The following RTF1 variants were observed in gnomAD, a reference collection of about 807,000 sequenced individuals.
RTF1 encodes the protein RNA polymerase-associated protein RTF1 homolog.
RTF1 carries 10 observed loss-of-function variants against 95.7 expected under a neutral mutation model. That is an observed-to-expected ratio of 0.10 (90% CI 0.06 to 0.18). RTF1 has a LOEUF of 0.18. Among genes scored for constraint, RTF1 ranks in the 10% least tolerant of loss-of-function variants. The pLI, the probability that RTF1 is intolerant of heterozygous loss-of-function variation, is 1.00. For missense variants in RTF1, 458 were observed against 875.6 expected, an observed-to-expected ratio of 0.52 and a Z score of 6.02; for synonymous variants, 305 against 311.8, an observed-to-expected ratio of 0.98 and a Z score of 0.23.
intron 6 of RTF1, among the ~76,000 whole-genome samples, chr15:41,468,469 C>T (rs566335654): frequency 6.6e-6 from 1 of 152,198 alleles, no homozygotes; most frequent in African/African-American, 2.4e-5. Context: ...AGGCACCTGC[C>T]ACCACGCCCA....
intron 3 of RTF1, 100 bp downstream of exon 3, chr15:41,453,148 C>A: frequency 1.1e-6 from 1 of 943,678 alleles, no homozygotes; most frequent in Non-Finnish European, 1.5e-6. Context: ...TTGCATTCAG[C>A]ATGACCTCTT....
chr15:41,436,429 C>G (rs1168340348), intron 1 of RTF1, among the ~76,000 whole-genome samples: 1 of 148,936 alleles, frequency 6.7e-6, no homozygotes, highest in South Asian at 2.1e-4. Flanking sequence ...TGCACTCTAG[C>G]CTGGGTGACA....
rs1033278327 is a variant in RTF1, at chr15:41,483,048, T to C, written c.*2361T>C. ...CGCTGAAACCCCCACGAGATGCCAA[T>C]GCACACAGCAGGGAGAAAAGCCAAC... On this transcript the variant is annotated 3_prime_UTR_variant, in exon 18 of 18. Coordinates refer to ENST00000389629, the MANE Select transcript of RTF1 (RefSeq NM_015138.5). 4 of 152,732 alleles carry C rather than the reference T, an allele frequency of 2.6e-5. No homozygotes were observed. Among genetic ancestry groups the C allele is most frequent in the Non-Finnish European group, 5.9e-5 (4 of 68,038 alleles). The allele number at this position is 152,732 out of a possible 1,614,324, so 9.5% of individuals were successfully genotyped here.
chr15:41,433,180 G>A (rs547904055), intron 1 of RTF1, among the ~76,000 whole-genome samples: 26 of 152,052 alleles, frequency 1.7e-4, no homozygotes, highest in Admixed American at 3.3e-4. Context: ...CCAGGGAGGC[G>A]GAGGTTGCTG....
Position 41,417,178 on chromosome 15 carries a change from G to C in RTF1, c.63G>C (p.Leu21=), listed in dbSNP as rs988766123. The C allele has an allele frequency of 5.5e-6, 7 of 1,264,466 alleles. No individual in the cohort carries two copies. The African/African-American group carries it at 9.3e-5, about 17-fold the overall frequency. 78.3% of individuals were successfully genotyped at this position (1,264,466 alleles called of 1,614,324 possible). A position where few individuals can be genotyped will look rare whatever the true frequency, so the allele number is the denominator to read the frequency against. Residue 21 remains leucine (L), a synonymous_variant, in exon 1 of 18, where the codon CTG becomes CTC. Transcript: ENST00000389629. ...CGGCGGCGGCAGTGGCGGTCCCACT[G>C]GCAGGCGGGCAAGAGGGGAGTCCGG... ...AAAAAAVAVP[L]AGGQEGSPGG...
In RTF1 at chr15:41,482,835, G is replaced by C. The variant is rs917692468; in HGVS notation, c.*2148G>C. 5.1e-4 allele frequency: 77 copies of C among 151,634 alleles called. No homozygotes were observed. The highest frequency in any genetic ancestry group is 7.5e-4 in the Non-Finnish European group (51 of 67,886). The allele number at this position is 151,634 out of a possible 1,614,324, so 9.4% of individuals were successfully genotyped here. On this transcript the variant is annotated 3_prime_UTR_variant, in exon 18 of 18. Transcript: ENST00000389629. ...ACTTGGACTTTTTTTTTTGATTTCT[G>C]GTTTTAAAAAACATAAAATTATAGA... is the stretch of plus-strand genomic sequence containing the variant.
chr15:41,436,864 G>A (rs932164158), intron 1 of RTF1, among the ~76,000 whole-genome samples: 1 of 151,910 alleles, frequency 6.6e-6, no homozygotes, highest in African/African-American at 2.4e-5. Flanking sequence ...CGAGTTGGGC[G>A]GATTACAAGG....
chr15:41,461,898 C>T (rs1318440042), intron 4 of RTF1, among the ~76,000 whole-genome samples: 1 of 151,778 alleles, frequency 6.6e-6, no homozygotes, highest in East Asian at 1.9e-4. Flanking sequence ...AGCCACCTCT[C>T]CTGGCCCTGT....
At chr15:41,476,547 T>G in intron 12 of RTF1, 24 bp downstream of exon 12, 2 of 1,591,470 alleles carry the variant, frequency 1.3e-6, no homozygotes, top group Non-Finnish European at 1.7e-6. Flanking sequence ...CTCGAGCCTC[T>G]TTCCTCATCC....
intron 1 of RTF1, among the ~76,000 whole-genome samples, chr15:41,423,664 CAGCCCTGGG>C (rs2050614468): frequency 6.6e-6 from 1 of 152,108 alleles, no homozygotes; most frequent in Non-Finnish European, 1.5e-5. Context: ...CCACCACGCC[CAGCCCTGGG>C]AGCTTTAACA....
intron 1 of RTF1, among the ~76,000 whole-genome samples, chr15:41,433,652 A>C (rs2050687001): frequency 6.6e-6 from 1 of 152,116 alleles, no homozygotes; most frequent in Admixed American, 6.6e-5. Context: ...AATTTACATT[A>C]AAGTAATATG....
At chr15:41,449,533 G>C (rs951974108) in intron 2 of RTF1, among the ~76,000 whole-genome samples, 2 of 151,984 alleles carry the variant, frequency 1.3e-5, no homozygotes, top group African/African-American at 4.8e-5. Context: ...AATAGAGGTG[G>C]GGTCTTGCTA....
chr15:41,425,016 A>G (rs372822477), intron 1 of RTF1, among the ~76,000 whole-genome samples: 12 of 152,080 alleles, frequency 7.9e-5, no homozygotes, highest in African/African-American at 2.9e-4. Flanking sequence ...AAAACAAAAG[A>G]AAAAAAGAAA....
chr15:41,446,898 G>A (rs1048528714), intron 2 of RTF1, among the ~76,000 whole-genome samples: 14 of 151,866 alleles, frequency 9.2e-5, no homozygotes, highest in African/African-American at 3.4e-4. Context: ...CACCTCCCAG[G>A]TTCAAGCAAT....
intron 2 of RTF1, among the ~76,000 whole-genome samples, chr15:41,452,507 G>A (rs1435433433): frequency 3.3e-5 from 5 of 152,086 alleles, no homozygotes; most frequent in Admixed American, 3.3e-4. Context: ...GCCGATACAG[G>A]AGGATTGTCT....
chr15:41,421,900 T>C (rs2050604340), intron 1 of RTF1, among the ~76,000 whole-genome samples: 1 of 151,942 alleles, frequency 6.6e-6, no homozygotes, highest in Admixed American at 6.6e-5. Context: ...TTTGTAGAGA[T>C]GGGGGTCCCA....
At chr15:41,427,855 C>T (rs1205572959) in intron 1 of RTF1, among the ~76,000 whole-genome samples, 3 of 152,078 alleles carry the variant, frequency 2.0e-5, no homozygotes, top group East Asian at 1.9e-4. Context: ...GGGGCAATCT[C>T]AGCTCACTGC....
intron 1 of RTF1, among the ~76,000 whole-genome samples, chr15:41,423,704 A>C (rs908115865): frequency 6.6e-6 from 1 of 152,088 alleles, no homozygotes; most frequent in Non-Finnish European, 1.5e-5. Flanking sequence ...TAGGAAAAAT[A>C]CAAAACTGAT....
intron 1 of RTF1, among the ~76,000 whole-genome samples, chr15:41,420,189 A>G (rs1280164518): frequency 6.6e-6 from 1 of 152,176 alleles, no homozygotes. Context: ...AATGTGTAAT[A>G]CCTAATACAT....
Sources: gnomAD v4.1 joint callset for allele counts (sites outside exome capture counted in the v4.1 genomes callset) on GRCh38, gnomAD v4.1.1 for gene constraint, MANE v1.5 for transcripts, NCBI Gene and HGNC (gene_info 2026-07-23, HGNC 2026-07-21) for gene names.